The following SPTAN1 variants were observed in gnomAD, a reference collection of about 807,000 sequenced individuals.
SPTAN1 encodes spectrin alpha chain, non-erythrocytic 1.
A neutral mutation model predicts 331.3 loss-of-function variants in SPTAN1; 61 were observed. The observed-to-expected ratio is 0.18, with a 90% confidence interval of 0.15 to 0.23. SPTAN1 has a LOEUF of 0.23. SPTAN1 is among the 10% of genes least tolerant of loss of function. The probability of loss-of-function intolerance (pLI) is 1.00; values close to 1 mark genes in which losing one functional copy is unlikely to be tolerated. For missense variants in SPTAN1, 2,043 were observed against 3,147.9 expected (o/e 0.65, Z 8.40); for synonymous variants, 1,153 against 1,173.9 (o/e 0.98, Z 0.36).
Position 128,577,567 on chromosome 9 carries a change from T to C in SPTAN1, c.1085+61T>C. ...TTGGCTTCTTTTTTGGAAGCAGGAA[T>C]AGCAGAGTTAAGGGTCTGTTCTGTG... On this transcript the variant is annotated intron_variant, in intron 8 of 56. Coordinates refer to ENST00000372739, the MANE Select transcript of SPTAN1 (RefSeq NM_001130438.3). This position sits in a 1 kb window ranked among gnomAD's most constrained non-coding sequence, Gnocchi z 4.2. The C allele has an allele frequency of 6.2e-7, 1 of 1,605,638 alleles. No individual in the cohort carries two copies. Among genetic ancestry groups the C allele is most frequent in the Non-Finnish European group, 8.5e-7 (1 of 1,175,518 alleles).
In SPTAN1 at chr9:128,591,539, A is replaced by C. The variant is rs749921643; in HGVS notation, c.3069A>C (p.Lys1023Asn). The C allele has an allele frequency of 2.5e-6, 4 of 1,614,192 alleles. No homozygotes were observed. The Admixed American group carries it at 6.7e-5, about 27-fold the overall frequency. ...QGFVPAAYVK[K>N]LDPAQSASRE... The stretch of plus-strand genomic sequence containing the variant: ...TTGTGCCGGCTGCGTACGTGAAGAA[A>C]TTGGACCCCGCCCAGTCAGCCTCCC... Residue 1023 changes from lysine (K) to asparagine (N), a missense_variant, in exon 22 of 57, where the codon AAA (lysine) becomes AAC (asparagine). Physicochemically the swap from Lys to Asn is moderately conservative, Grantham distance 94. This residue lies in a region of SPTAN1 where 1,038 missense variants were observed against 1,531.5 expected (regional missense o/e 0.68). Coordinates refer to ENST00000372739, the MANE Select transcript of SPTAN1 (RefSeq NM_001130438.3).
intron 3 of SPTAN1, among the ~76,000 whole-genome samples, chr9:128,572,067 C>T (rs1397022136): frequency 6.6e-6 from 1 of 152,106 alleles, no homozygotes; most frequent in Non-Finnish European, 1.5e-5. Flanking sequence ...GCCATGTTGC[C>T]CAGGCTGGTC....
chr9:128,633,387 C>T lies in SPTAN1; in HGVS notation c.*53C>T. On this transcript the variant is annotated 3_prime_UTR_variant, in exon 57 of 57. Coordinates refer to ENST00000372739, the MANE Select transcript of SPTAN1 (RefSeq NM_001130438.3). The stretch of plus-strand genomic sequence containing the variant: ...CTGCTTGCCCTGCGTCGCCTTGCTG[C>T]ATGTCCGCTCCTCTGTGTGCTCTCA... 1.2e-6 allele frequency: 2 copies of T among 1,611,872 alleles called. No individual in the cohort carries two copies. Among genetic ancestry groups the T allele is most frequent in the Non-Finnish European group, 1.7e-6 (2 of 1,179,732 alleles).
chr9:128,578,023 G>A (rs1264479855), intron 8 of SPTAN1, 87 bp from the exon 9 acceptor site: 2 of 1,416,106 alleles, frequency 1.4e-6, no homozygotes, highest in Non-Finnish European at 2.0e-6. Context: ...AGACATTTGA[G>A]AACATAGAAT....
chr9:128,598,332 G>T, intron 24 of SPTAN1, 68 bp from the exon 25 acceptor site: 2 of 1,086,854 alleles, frequency 1.8e-6, no homozygotes, highest in Non-Finnish European at 1.4e-6. Flanking sequence ...GCCATAGTTT[G>T]TGACTATGTC....
intron 23 of SPTAN1, chr9:128,593,554 A>C (rs1853821300): frequency 5.0e-6 from 1 of 200,392 alleles, no homozygotes; most frequent in Non-Finnish European, 1.0e-5. Context: ...CGAGGGTTAG[A>C]ATATTCTTTG....
chr9:128,624,546 C>T lies in SPTAN1; in HGVS notation c.5992+59C>T, dbSNP rs561920573. The T allele has an allele frequency of 1.3e-4, 214 of 1,589,742 alleles. No homozygotes were observed. In the African/African-American group the frequency reaches 2.2e-3, roughly 16 times the overall value. ...CCCAGAGCTGCTCTTTGTCTCCTTC[C>T]GTGTCATTGGTTTTCTTCTGCAGAG... On this transcript the variant is annotated intron_variant, in intron 46 of 56. Transcript: ENST00000372739.
At position 128,608,888 on chromosome 9, in the gene SPTAN1, T is replaced by C. The variant is rs1422391512; in HGVS notation, c.4506T>C (p.Ala1502=). Residue 1502 remains alanine (A), a synonymous_variant, in exon 35 of 57, where the codon GCT becomes GCC. Coordinates refer to ENST00000372739, the MANE Select transcript of SPTAN1 (RefSeq NM_001130438.3). ...KAINVQEEKI[A]ALQAFADQLI... is the part of the protein sequence containing the mutation. The stretch of plus-strand genomic sequence containing the variant: ...TTTTCTGACAGGAAGAGAAGATTGC[T>C]GCTCTGCAGGCCTTTGCCGACCAGC... 1 of 1,614,006 alleles carries C rather than the reference T, an allele frequency of 6.2e-7. No homozygotes were observed. Among genetic ancestry groups the C allele is most frequent in the Non-Finnish European group, 8.5e-7 (1 of 1,180,040 alleles).
intron 46 of SPTAN1, 119 bp downstream of exon 46, chr9:128,624,606 C>A: frequency 7.6e-7 from 1 of 1,315,464 alleles, no homozygotes; most frequent in East Asian, 2.5e-5. Context: ...GGCAGAGAAC[C>A]TACTACCAGG....
rs1265998297 is a variant in SPTAN1 at position 128,629,111 on chromosome 9, T to G, written c.6707+1169T>G. On this transcript the variant is annotated intron_variant, in intron 51 of 56. Transcript: ENST00000372739. The surrounding 1 kb of genome is among the most constrained non-coding windows in gnomAD (Gnocchi z 4.9). The stretch of plus-strand genomic sequence containing the variant: ...CCCTTTGGTGTATTCATTTGGTTTC[T>G]TTTCTTTGAATAGCATAGCATATCG... 2.5e-6 allele frequency: 1 copy of G among 398,768 alleles called. No homozygotes were observed. Among genetic ancestry groups the G allele is most frequent in the African/African-American group, 2.1e-5 (1 of 48,754 alleles). The allele number at this position is 398,768 out of a possible 1,614,324, so 24.7% of individuals were successfully genotyped here.
chr9:128,604,891 C>T lies in SPTAN1; in HGVS notation c.3720-143C>T, dbSNP rs1001030381. ...GAGGTTGCAGTGAGCTGAGATTGTG[C>T]ATTGTGCTCCAGCCTGGGTGACAAG... On this transcript the variant is annotated intron_variant, in intron 29 of 56. Transcript: ENST00000372739. The T allele has an allele frequency of 1.4e-5, 12 of 860,968 alleles. No homozygotes were observed. The Admixed American group carries it at 1.8e-4, about 13-fold the overall frequency. 53.3% of individuals were successfully genotyped at this position (860,968 alleles called of 1,614,324 possible).
At position 128,592,765 on chromosome 9, in the gene SPTAN1, C is replaced by T. The variant is rs535695259; in HGVS notation, c.3156-218C>T. Reference sequence around the variant, plus strand: ...TCTGCCTTAAGCATGGCAGACCCGCCAGGAAAATGAAGGTGAACTAACCCT... The same window carrying T: ...TCTGCCTTAAGCATGGCAGACCCGCTAGGAAAATGAAGGTGAACTAACCCT... On this transcript the variant is annotated intron_variant, in intron 22 of 56. Coordinates refer to ENST00000372739, the MANE Select transcript of SPTAN1 (RefSeq NM_001130438.3). Among the ~76,000 whole-genome samples the T allele has an allele frequency of 2.3e-4, 35 of 152,300 alleles. 1 individual carries two copies. Among genetic ancestry groups the T allele is most frequent in the African/African-American group, 8.2e-4 (34 of 41,554 alleles).
chr9:128,605,993 A>C (rs1356617744), intron 31 of SPTAN1, among the ~76,000 whole-genome samples: 1 of 17,700 alleles, frequency 5.6e-5, no homozygotes, highest in Non-Finnish European at 1.4e-3. Flanking sequence ...ACTCCATCTC[A>C]AAAAAAAAAA....
At chr9:128,582,019 C>A in intron 12 of SPTAN1, 127 bp downstream of exon 12, 1 of 754,534 alleles carries the variant, frequency 1.3e-6, no homozygotes, top group Admixed American at 2.0e-5. Context: ...GGTGCTTAAA[C>A]TTTCACAAGG....
chr9:128,623,177 TCC>T (rs373795702), intron 45 of SPTAN1, among the ~76,000 whole-genome samples: 3,162 of 151,898 alleles, frequency 0.021, 118 homozygotes, highest in African/African-American at 0.072. Flanking sequence ...CACCTGAGCT[TCC>T]CTAGCTAGCT....
intron 25 of SPTAN1, 84 bp downstream of exon 25, chr9:128,598,588 C>A: frequency 8.6e-7 from 1 of 1,165,044 alleles, no homozygotes; most frequent in Non-Finnish European, 1.3e-6. Flanking sequence ...GCCCAACAAG[C>A]AGTGTTTCAT....
chr9:128,620,205 A>T (rs938962992), intron 44 of SPTAN1, among the ~76,000 whole-genome samples: 1 of 152,230 alleles, frequency 6.6e-6, no homozygotes, highest in Admixed American at 6.5e-5. Context: ...ATGGTCAGAT[A>T]TGACTAAATT....
chr9:128,592,126 G>T (rs1430364698), intron 22 of SPTAN1, among the ~76,000 whole-genome samples: 1 of 152,090 alleles, frequency 6.6e-6, no homozygotes, highest in Non-Finnish European at 1.5e-5. Context: ...TTGGACACTT[G>T]GGAAATATCC....
intron 10 of SPTAN1, among the ~76,000 whole-genome samples, chr9:128,579,940 T>A (rs1851740242): frequency 6.6e-6 from 1 of 152,168 alleles, no homozygotes. Context: ...ATCTGGGGCA[T>A]GTGTGGCATG....
Sources: allele counts gnomAD v4.1 joint callset (sites outside exome capture counted in the v4.1 genomes callset), GRCh38; gene constraint gnomAD v4.1.1; regional missense constraint gnomAD v4.1.1; non-coding constraint Gnocchi (gnomAD v3.1); transcripts MANE v1.5; gene names NCBI Gene and HGNC (gene_info 2026-07-23, HGNC 2026-07-21).